NRXN3: variants seen among roughly 807,000 people sequenced by gnomAD.
The protein encoded by NRXN3 is neurexin 3, also known as neurexin III.
NRXN3 carries 32 observed loss-of-function variants against 137.6 expected under a neutral mutation model. The observed-to-expected ratio is 0.23, with a 90% CI of 0.18 to 0.31. The LOEUF (loss-of-function observed/expected upper bound fraction) is 0.31. Ranked by LOEUF, NRXN3 falls within the 10% of genes least tolerant of loss-of-function variation. The probability of loss-of-function intolerance (pLI) is 1.00; values close to 1 mark genes in which losing one functional copy is unlikely to be tolerated. For missense variants in NRXN3, 1,574 were observed against 2,062.5 expected (o/e 0.76, Z 4.59); for synonymous variants, 798 against 784.5 (o/e 1.02, Z -0.29).
intron 15 of NRXN3, among the ~76,000 whole-genome samples, chr14:79,200,491 C>T (rs1342179234): frequency 6.6e-6 from 1 of 152,032 alleles, no homozygotes; most frequent in East Asian, 1.9e-4. Context: ...TGAAGGCCAG[C>T]TGCGTCATCT....
intron 2 of NRXN3, among the ~76,000 whole-genome samples, chr14:78,268,202 A>G (rs2072111956): frequency 6.6e-6 from 1 of 152,104 alleles, no homozygotes; most frequent in South Asian, 2.1e-4. Context: ...TATGGATGAA[A>G]TCTTCTGAAG....
At chr14:78,850,052 CT>C (rs1413573621) in intron 10 of NRXN3, among the ~76,000 whole-genome samples, 1 of 152,048 alleles carries the variant, frequency 6.6e-6, no homozygotes, top group Non-Finnish European at 1.5e-5. Flanking sequence ...AATCACTTCC[CT>C]TTAATTAACT....
chr14:79,295,620 A>C (rs2083951135), intron 15 of NRXN3, among the ~76,000 whole-genome samples: 1 of 152,136 alleles, frequency 6.6e-6, no homozygotes, highest in Non-Finnish European at 1.5e-5. Context: ...GAGTTTTCAT[A>C]AATCTTGCTG....
In NRXN3 at chr14:79,862,760, T is replaced by G. The variant is rs2099415501; in HGVS notation, c.*796T>G. 1 of 152,598 alleles carries G rather than the reference T, an allele frequency of 6.6e-6. No individual in the cohort carries two copies. Among genetic ancestry groups the G allele is most frequent in the Non-Finnish European group, 1.5e-5 (1 of 68,040 alleles). The allele number at this position is 152,598 out of a possible 1,614,324, so 9.5% of individuals were successfully genotyped here. On this transcript the variant is annotated 3_prime_UTR_variant, in exon 21 of 21. Coordinates refer to ENST00000335750, the MANE Select transcript of NRXN3 (RefSeq NM_001330195.2). ...TGCTTTGCTGAACACATAGCAAAAT[T>G]CATGTGACGGATGATAAATTGATTC...
intron 6 of NRXN3, among the ~76,000 whole-genome samples, chr14:78,691,705 A>C (rs2098172098): frequency 6.6e-6 from 1 of 151,734 alleles, no homozygotes; most frequent in African/African-American, 2.4e-5. Context: ...ATATGCTGTT[A>C]GTATTTTCTT....
intron 4 of NRXN3, among the ~76,000 whole-genome samples, chr14:78,616,500 G>A (rs1048043075): frequency 1.3e-5 from 2 of 152,100 alleles, no homozygotes; most frequent in African/African-American, 4.8e-5. Context: ...TGTCTCCACG[G>A]AGTTTTTAGC....
chr14:79,780,160 GAAA>G (rs565427111), intron 19 of NRXN3, among the ~76,000 whole-genome samples: 1 of 145,394 alleles, frequency 6.9e-6, no homozygotes, highest in Admixed American at 6.9e-5. Flanking sequence ...GGCCTTTGGG[GAAA>G]AAAAAAAAAT....
chr14:79,225,640 A>G (rs1389817460), intron 15 of NRXN3, among the ~76,000 whole-genome samples: 1 of 152,164 alleles, frequency 6.6e-6, no homozygotes, highest in Non-Finnish European at 1.5e-5. Context: ...CCCCTGAAAG[A>G]CATCAACACT....
Position 79,349,712 on chromosome 14 carries a change from C to CAG in NRXN3, c.3263-117508_3263-117507dup, listed in dbSNP as rs141977763. ...CTAACCTCTGTTACCTGTTTGGAAACAGTCTTAACAGAGGTAATCAAGTTA... is the reference window on the plus strand; with the variant it reads ...CTAACCTCTGTTACCTGTTTGGAAACAGAGTCTTAACAGAGGTAATCAAGTTA... On this transcript the variant is annotated intron_variant, in intron 15 of 20. Transcript: ENST00000335750. Among the ~76,000 whole-genome samples, 966 of 152,204 alleles carry CAG rather than the reference C, an allele frequency of 6.3e-3. 8 individuals are homozygous for CAG. Among genetic ancestry groups the CAG allele is most frequent in the African/African-American group, 0.022 (918 of 41,526 alleles).
intron 19 of NRXN3, among the ~76,000 whole-genome samples, chr14:79,758,122 A>G (rs1337013550): frequency 1.3e-5 from 2 of 152,210 alleles, no homozygotes; most frequent in Non-Finnish European, 2.9e-5. Context: ...TTCATGGAGC[A>G]AGTTTAACAA....
Position 79,239,094 on chromosome 14 carries a change from G to T in NRXN3, c.3263-228127G>T, listed in dbSNP as rs1003443028. Among the ~76,000 whole-genome samples the T allele has an allele frequency of 2.0e-5, 3 of 151,962 alleles. No homozygotes were observed. The East Asian group carries it at 5.8e-4, about 29-fold the overall frequency. ...CTATGTTTTTTCCATACATACATGC[G>T]TATATACATAGTTATGATAAGGTTT... is the stretch of plus-strand genomic sequence containing the variant. On this transcript the variant is annotated intron_variant, in intron 15 of 20. Transcript: ENST00000335750.
chr14:79,440,431 C>T (rs1006964482), intron 15 of NRXN3, among the ~76,000 whole-genome samples: 5 of 152,150 alleles, frequency 3.3e-5, no homozygotes, highest in Non-Finnish European at 7.3e-5. Flanking sequence ...ACTGGATGCT[C>T]CTCATAAGTA....
chr14:78,233,688 CAAAAAAAAA>C (rs10673907), intron 1 of NRXN3, among the ~76,000 whole-genome samples: 2 of 117,626 alleles, frequency 1.7e-5, no homozygotes, highest in African/African-American at 3.2e-5. Context: ...AAGTATGCTT[CAAAAAAAAA>C]AAAAAAAAAA....
chr14:79,348,739 T>C (rs1184962341), intron 15 of NRXN3, among the ~76,000 whole-genome samples: 1 of 152,166 alleles, frequency 6.6e-6, no homozygotes. Flanking sequence ...GAGCTGGGAT[T>C]AGTGTTATCA....
At position 79,508,390 on chromosome 14, in the gene NRXN3, A is replaced by ATTTTTTTTTTTTTTTTTTTTTT. The variant is rs528502246; in HGVS notation, c.3444+41004_3444+41005insTTTTTTTTTTTTTTTTTTTTTT. 7.2e-3 allele frequency among the ~76,000 whole-genome samples: 348 copies of ATTTTTTTTTTTTTTTTTTTTTT among 48,206 alleles called. 118 individuals carry two copies. The highest frequency in any genetic ancestry group is 0.013 in the African/African-American group (178 of 13,724). The allele number at this position is 48,206 out of a possible 152,430, so 31.6% of individuals were successfully genotyped here. ...AATTTTCTTTATAAAACAATAACTG[A>ATTTTTTTTTTTTTTTTTTTTTT]TTTTTTTTTTTTTTTTAAGACAGAG... On this transcript the variant is annotated intron_variant, in intron 16 of 20. Transcript: ENST00000335750.
At chr14:79,803,836 C>G (rs2140559883) in intron 19 of NRXN3, among the ~76,000 whole-genome samples, 1 of 151,310 alleles carries the variant, frequency 6.6e-6, no homozygotes, top group Non-Finnish European at 1.5e-5. Flanking sequence ...ATAGTCATCC[C>G]TGTCCCAAAA....
At chr14:79,317,066 AC>A (rs1186089301) in intron 15 of NRXN3, among the ~76,000 whole-genome samples, 2 of 151,934 alleles carry the variant, frequency 1.3e-5, no homozygotes, top group Admixed American at 1.3e-4. Flanking sequence ...CCCTGTCTTT[AC>A]TAAAAGTACA....
intron 15 of NRXN3, among the ~76,000 whole-genome samples, chr14:79,197,730 T>C (rs1369634671): frequency 3.2e-4 from 48 of 152,136 alleles, no homozygotes; most frequent in Non-Finnish European, 4.9e-4. Flanking sequence ...AGGGCAGTGG[T>C]TGCGGAAGGT....
chr14:79,244,557 C>A (rs1030891887), intron 15 of NRXN3, among the ~76,000 whole-genome samples: 1 of 151,904 alleles, frequency 6.6e-6, no homozygotes, highest in South Asian at 2.1e-4. Context: ...TTCCCATGAG[C>A]GGTAGAGGTT....
Sources: allele counts gnomAD v4.1 joint callset (sites outside exome capture counted in the v4.1 genomes callset), GRCh38; gene constraint gnomAD v4.1.1; transcripts MANE v1.5; gene names NCBI Gene and HGNC (gene_info 2026-07-23, HGNC 2026-07-21).